ADAMTS17: variants seen among roughly 807,000 people sequenced by gnomAD.
ADAMTS17 encodes A disintegrin and metalloproteinase with thrombospondin motifs 17.
ADAMTS17 carries 113 observed loss-of-function variants against 141.5 expected under a neutral mutation model. That is an observed-to-expected ratio of 0.80 (90% CI 0.69 to 0.93). ADAMTS17 has a LOEUF of 0.93. ADAMTS17 is among the 40% of genes least tolerant of loss of function. ADAMTS17 has a pLI of 0.00. For synonymous variants in ADAMTS17, 768 were observed against 630.6 expected (o/e 1.22, Z -3.27); for missense variants, 1,659 against 1,517.9 (o/e 1.09, Z -1.54).
chr15:100,268,075 T>C (rs1204395279), intron 4 of ADAMTS17, among the ~76,000 whole-genome samples: 3 of 152,226 alleles, frequency 2.0e-5, no homozygotes, highest in Non-Finnish European at 4.4e-5. Context: ...CCCGCATTAA[T>C]TCACTTAGGA....
chr15:100,130,347 G>C (rs1321479518), intron 12 of ADAMTS17, among the ~76,000 whole-genome samples: 3 of 149,158 alleles, frequency 2.0e-5, no homozygotes, highest in African/African-American at 5.0e-5. Flanking sequence ...CTGGGGGACA[G>C]AGTGAGGCTC....
At chr15:100,283,220 GC>G (rs935800039) in intron 3 of ADAMTS17, among the ~76,000 whole-genome samples, 1 of 152,168 alleles carries the variant, frequency 6.6e-6, no homozygotes, top group African/African-American at 2.4e-5. Flanking sequence ...TCAGAGCCAG[GC>G]CCATCTCCCC....
At chr15:100,028,757 C>T (rs2029872557) in intron 18 of ADAMTS17, among the ~76,000 whole-genome samples, 1 of 152,208 alleles carries the variant, frequency 6.6e-6, no homozygotes, top group African/African-American at 2.4e-5. Flanking sequence ...TTCTGCTTCT[C>T]AGGGTTCCCT....
intron 15 of ADAMTS17, among the ~76,000 whole-genome samples, chr15:100,085,114 C>G (rs1297317446): frequency 6.6e-6 from 1 of 152,012 alleles, no homozygotes; most frequent in East Asian, 1.9e-4. Flanking sequence ...AGATGAATGG[C>G]TAACTAGAAT....
At chr15:100,241,988 C>G (rs112490156) in intron 7 of ADAMTS17, among the ~76,000 whole-genome samples, 1 of 152,136 alleles carries the variant, frequency 6.6e-6, no homozygotes, top group Non-Finnish European at 1.5e-5. Context: ...GAAGCACTTA[C>G]GCTGCATATC....
chr15:100,238,469 C>G (rs533114436), intron 7 of ADAMTS17, among the ~76,000 whole-genome samples: 2 of 152,212 alleles, frequency 1.3e-5, no homozygotes, highest in Admixed American at 1.3e-4. Flanking sequence ...TAGAGTTTTA[C>G]TGAGTATGAA....
chr15:100,018,098 C>A (rs1471998844), intron 18 of ADAMTS17, among the ~76,000 whole-genome samples: 1 of 152,220 alleles, frequency 6.6e-6, no homozygotes, highest in Admixed American at 6.5e-5. Flanking sequence ...CTCCTGGCAA[C>A]CACCATGCTA....
At chr15:100,193,736 C>G (rs2041007940) in intron 8 of ADAMTS17, among the ~76,000 whole-genome samples, 1 of 152,226 alleles carries the variant, frequency 6.6e-6, no homozygotes, top group Non-Finnish European at 1.5e-5. Flanking sequence ...TGTGTCAAGA[C>G]AGTGTTTTCC....
chr15:100,203,151 A>G (rs747581657), intron 7 of ADAMTS17, among the ~76,000 whole-genome samples: 3 of 152,196 alleles, frequency 2.0e-5, no homozygotes, highest in Non-Finnish European at 4.4e-5. Context: ...AGATGGGGAA[A>G]CAGAGGCTCC....
At chr15:99,986,402 C>G (rs1417336304) in intron 20 of ADAMTS17, among the ~76,000 whole-genome samples, 1 of 152,164 alleles carries the variant, frequency 6.6e-6, no homozygotes, top group Non-Finnish European at 1.5e-5. Context: ...CCCTGACTTC[C>G]TCCTAGGGCT....
At chr15:99,999,107 C>A (rs1249498440) in intron 18 of ADAMTS17, among the ~76,000 whole-genome samples, 1 of 152,126 alleles carries the variant, frequency 6.6e-6, no homozygotes, top group Non-Finnish European at 1.5e-5. Flanking sequence ...TCTGCCCATC[C>A]AGGCACTGCA....
intron 20 of ADAMTS17, among the ~76,000 whole-genome samples, chr15:99,987,314 ATGC>A (rs542154978): frequency 6.6e-5 from 10 of 152,060 alleles, no homozygotes; most frequent in South Asian, 4.2e-4. Context: ...CCTGCTTAGC[ATGC>A]TGCTGCTGCT....
At chr15:100,008,596 G>A (rs1163769837) in intron 18 of ADAMTS17, among the ~76,000 whole-genome samples, 2 of 152,234 alleles carry the variant, frequency 1.3e-5, no homozygotes, top group African/African-American at 2.4e-5. Context: ...GTCTGGTGAC[G>A]AGCCTGGGCT....
At chr15:100,316,435 G>A (rs745574924) in intron 3 of ADAMTS17, among the ~76,000 whole-genome samples, 3 of 152,210 alleles carry the variant, frequency 2.0e-5, no homozygotes, top group Non-Finnish European at 4.4e-5. Flanking sequence ...GGAGCCTTCT[G>A]TGCACACTCC....
chr15:100,152,962 A>ATTATTGTTTT (rs1210749221), intron 9 of ADAMTS17, among the ~76,000 whole-genome samples, 200 bp from the exon 10 acceptor site: 1 of 151,390 alleles, frequency 6.6e-6, no homozygotes. Context: ...CCAAATGTGA[A>ATTATTGTTTT]TCTTCGCTCT....
chr15:100,092,429 C>T (rs1164685549), intron 15 of ADAMTS17, among the ~76,000 whole-genome samples: 3 of 152,246 alleles, frequency 2.0e-5, no homozygotes, highest in Admixed American at 2.0e-4. Flanking sequence ...CAGCATCTTA[C>T]ATGAGAAACA....
chr15:100,305,188 G>GAA (rs142039803), intron 3 of ADAMTS17, among the ~76,000 whole-genome samples: 2 of 146,812 alleles, frequency 1.4e-5, no homozygotes, highest in African/African-American at 5.0e-5. Context: ...GTCAACTATA[G>GAA]AAAAAAAAAA....
intron 18 of ADAMTS17, among the ~76,000 whole-genome samples, chr15:100,019,514 T>A (rs1447783569): frequency 6.6e-6 from 1 of 152,222 alleles, no homozygotes; most frequent in Non-Finnish European, 1.5e-5. Flanking sequence ...TGGTATGTAC[T>A]AACTGACCTT....
At chr15:100,298,380 C>T (rs1283163891) in intron 3 of ADAMTS17, among the ~76,000 whole-genome samples, 1 of 152,136 alleles carries the variant, frequency 6.6e-6, no homozygotes, top group South Asian at 2.1e-4. Flanking sequence ...TGGGAAAGGA[C>T]AACTGTCGCT....
Sources: allele counts gnomAD v4.1 joint callset (sites outside exome capture counted in the v4.1 genomes callset), GRCh38; gene constraint gnomAD v4.1.1; transcripts MANE v1.5; gene names NCBI Gene and HGNC (gene_info 2026-07-23, HGNC 2026-07-21).